The following RAB11FIP1 variants were observed in gnomAD, a reference collection of about 807,000 sequenced individuals.
RAB11FIP1 encodes the protein rab11 family-interacting protein 1.
A neutral mutation model predicts 83.1 loss-of-function variants in RAB11FIP1; 49 were observed. The observed-to-expected ratio is 0.59, with a 90% CI of 0.47 to 0.75. The LOEUF (loss-of-function observed/expected upper bound fraction) is 0.75. RAB11FIP1 is among the 30% of genes least tolerant of loss of function. The pLI is 0.00. For missense variants in RAB11FIP1, 1,536 were observed against 1,598.7 expected, an observed-to-expected ratio of 0.96 and a Z score of 0.67; for synonymous variants, 670 against 656.0, an observed-to-expected ratio of 1.02 and a Z score of -0.33.
Position 37,862,892 on chromosome 8 carries a change from GA to G in RAB11FIP1, c.*2del. The G allele has an allele frequency of 1.2e-6, 2 of 1,603,706 alleles. No individual in the cohort carries two copies. The highest frequency in any genetic ancestry group is 1.7e-6 in the Non-Finnish European group (2 of 1,173,704). On this transcript the variant is annotated 3_prime_UTR_variant, in exon 6 of 6. Coordinates refer to ENST00000330843, the MANE Select transcript of RAB11FIP1 (RefSeq NM_001002814.3). ...AACGTCTCGGTGTTTTTTTTCTGCT[GA>G]TTTACATCTTTCCTGCTTTTTTGCC...
chr8:37,872,748 C>T lies in RAB11FIP1; in HGVS notation c.2054G>A (p.Ser685Asn). ...GAGAGACTCCTCCAACTCAAGGCTG[C>T]TGGTGTTCTTCTCTGTGCCTGTCTC... ...TRETGTEKNT[S>N]SLELEESLPE... The change falls in exon 4 of 6, where the codon AGC (serine) becomes AAC (asparagine). Residue 685 changes from serine (S) to asparagine (N), a missense_variant. Coordinates refer to ENST00000330843, the MANE Select transcript of RAB11FIP1 (RefSeq NM_001002814.3). 1.2e-6 allele frequency: 2 copies of T among 1,614,268 alleles called. No individual in the cohort carries two copies. The highest frequency in any genetic ancestry group is 1.3e-5 in the African/African-American group (1 of 75,068).
intron 1 of RAB11FIP1, among the ~76,000 whole-genome samples, chr8:37,880,605 T>G (rs1462261024): frequency 1.3e-5 from 2 of 152,048 alleles, no homozygotes; most frequent in African/African-American, 4.8e-5. Flanking sequence ...AAAATATTTT[T>G]TTTTAATTAG....
At position 37,873,572 on chromosome 8, in the gene RAB11FIP1, C is replaced by T. The variant is rs149598169; in HGVS notation, c.1623-393G>A. Among the ~76,000 whole-genome samples the T allele has an allele frequency of 5.5e-4, 84 of 152,068 alleles. No individual in the cohort carries two copies. In the Middle Eastern group the frequency reaches 0.01, roughly 18 times the overall value. ...AGTGAGTTGAGATCGTGCCACTGCACTCCAGCCTGGGCGATAGAGGGAGAC... is the reference window on the plus strand; with the variant it reads ...AGTGAGTTGAGATCGTGCCACTGCATTCCAGCCTGGGCGATAGAGGGAGAC... On this transcript the variant is annotated intron_variant, in intron 3 of 5. Transcript: ENST00000330843.
At chr8:37,877,983 ATGT>A (rs1806652821) in intron 1 of RAB11FIP1, 1 of 155,210 alleles carries the variant, frequency 6.4e-6, no homozygotes, top group African/African-American at 2.4e-5. Context: ...GCCTCCCAAA[ATGT>A]TGGGATTACA....
chr8:37,866,473 T>C (rs1440501173), intron 5 of RAB11FIP1, among the ~76,000 whole-genome samples: 1 of 152,212 alleles, frequency 6.6e-6, no homozygotes, highest in Non-Finnish European at 1.5e-5. Flanking sequence ...CCAGGATTCT[T>C]ACCCTGGACT....
In RAB11FIP1 at chr8:37,877,529, G is replaced by A. The variant is rs1192803872; in HGVS notation, c.394C>T (p.Pro132Ser). The change falls in exon 2 of 6, where the codon CCA (proline) becomes TCA (serine). Residue 132 changes from proline to serine, a missense_variant. Transcript: ENST00000330843. ...KTQWYKLKSK[P>S]GKKDKERGEI... ...CCTCGCTCCTTGTCCTTCTTTCCTG[G>A]TTTGGATTTCAACTTATACCACCTG... 5.6e-6 allele frequency: 9 copies of A among 1,607,266 alleles called. No individual in the cohort carries two copies. The Middle Eastern group carries it at 9.9e-4, about 177-fold the overall frequency.
chr8:37,863,040 T>A lies in RAB11FIP1; in HGVS notation c.3707A>T (p.Lys1236Ile). 6.2e-7 allele frequency: 1 copy of A among 1,613,388 alleles called. No individual in the cohort carries two copies. Among genetic ancestry groups the A allele is most frequent in the Non-Finnish European group, 8.5e-7 (1 of 1,179,988 alleles). Residue 1236 changes from lysine (K) to isoleucine (I), a missense_variant, in exon 6 of 6, where the codon AAA (lysine) becomes ATA (isoleucine). Coordinates refer to ENST00000330843, the MANE Select transcript of RAB11FIP1 (RefSeq NM_001002814.3). ...THDELIQLVL[K>I]QKETISKKEF... ...CTTCTTGCTTATCGTTTCCTTCTGTTTGAGGACCAGCTGAATCAGCTCATC... is the reference window on the plus strand; with the variant it reads ...CTTCTTGCTTATCGTTTCCTTCTGTATGAGGACCAGCTGAATCAGCTCATC...
At chr8:37,888,980 G>A (rs940678772) in intron 1 of RAB11FIP1, among the ~76,000 whole-genome samples, 1 of 151,500 alleles carries the variant, frequency 6.6e-6, no homozygotes. Flanking sequence ...TGTATTTTTA[G>A]TAGAGATGGG....
chr8:37,859,584 T>A lies in RAB11FIP1; in HGVS notation c.*3311A>T, dbSNP rs1806195167. On this transcript the variant is annotated 3_prime_UTR_variant, in exon 6 of 6. Coordinates refer to ENST00000330843, the MANE Select transcript of RAB11FIP1 (RefSeq NM_001002814.3). ...CACTGGAATAAGATGGAGGGCAGGATACCTGCCAAAGCCTGAGGCATGAGA... is the reference window on the plus strand; with the variant it reads ...CACTGGAATAAGATGGAGGGCAGGAAACCTGCCAAAGCCTGAGGCATGAGA... The A allele has an allele frequency of 3.3e-5, 5 of 152,326 alleles. No individual in the cohort carries two copies. The highest frequency in any genetic ancestry group is 2.6e-4 in the Admixed American group (4 of 15,284). 9.4% of individuals were successfully genotyped at this position (152,326 alleles called of 1,614,324 possible). A position where few individuals can be genotyped will look rare whatever the true frequency, so the allele number is the denominator to read the frequency against.
rs2130135923 is a variant in RAB11FIP1, at chr8:37,870,434, C to G, written c.3619G>C (p.Glu1207Gln). 6.2e-7 allele frequency: 1 copy of G among 1,601,648 alleles called. No homozygotes were observed. The highest frequency in any genetic ancestry group is 8.6e-7 in the Non-Finnish European group (1 of 1,168,756). ...ATIISENLNN[E>Q]VMMKKYSPSD... Reference sequence around the variant, plus strand: ...AGAGGACATACCTTCATCATGACCTCATTGTTCAAGTTCTCACTGATGATG... The same window carrying G: ...AGAGGACATACCTTCATCATGACCTGATTGTTCAAGTTCTCACTGATGATG... Residue 1207 changes from glutamate (E) to glutamine (Q), a missense_variant, in exon 5 of 6, where the codon GAG becomes CAG. Coordinates refer to ENST00000330843, the MANE Select transcript of RAB11FIP1 (RefSeq NM_001002814.3).
chr8:37,887,072 C>T lies in RAB11FIP1; in HGVS notation c.372-9521G>A, dbSNP rs554482966. On this transcript the variant is annotated intron_variant, in intron 1 of 5. Transcript: ENST00000330843. ...CAGAATTACCCATCAGCCGACATTG[C>T]CTCCCTAGACCTTGCCCTCTGCCCA... Among the ~76,000 whole-genome samples the T allele has an allele frequency of 2.5e-3, 384 of 152,316 alleles. 4 individuals carry two copies. The highest frequency in any genetic ancestry group is 8.9e-3 in the African/African-American group (369 of 41,574).
intron 5 of RAB11FIP1, among the ~76,000 whole-genome samples, chr8:37,866,791 T>C (rs1014332291): frequency 6.6e-6 from 1 of 152,238 alleles, no homozygotes; most frequent in African/African-American, 2.4e-5. Context: ...AGTAGGTATC[T>C]TTATAAATAC....
chr8:37,885,111 C>CGGCCTCCTGAGTAGCCAGGATAACA (rs1264616425), intron 1 of RAB11FIP1, among the ~76,000 whole-genome samples: 2 of 151,684 alleles, frequency 1.3e-5, no homozygotes, highest in Non-Finnish European at 2.9e-5. Flanking sequence ...TCTCCTGTCT[C>CGGCCTCCTGAGTAGCCAGGATAACA]GGCCTCCTGA....
In RAB11FIP1 at chr8:37,873,030, C is replaced by T. The variant is rs769998709; in HGVS notation, c.1772G>A (p.Ser591Asn). ...TGAGAGAGAGGAGAAGACAGAAGGA[C>T]TCTCAGAGGACTGTGTGTCTGCACC... The part of the protein sequence containing the change: ...GHGADTQSSE[S>N]PSVFSSLSSP... The change falls in exon 4 of 6, where the codon AGT (serine) becomes AAT (asparagine). Residue 591 changes from serine to asparagine, a missense_variant. By Grantham distance (46) the Ser-to-Asn change is conservative. Transcript: ENST00000330843. The T allele has an allele frequency of 2.5e-6, 4 of 1,613,970 alleles. No homozygotes were observed. Among genetic ancestry groups the T allele is most frequent in the Admixed American group, 3.3e-5 (2 of 59,990 alleles).
intron 5 of RAB11FIP1, among the ~76,000 whole-genome samples, chr8:37,868,928 T>C (rs1263706602): frequency 6.6e-6 from 1 of 152,134 alleles, no homozygotes; most frequent in Non-Finnish European, 1.5e-5. Context: ...TATTAATTCA[T>C]ACTGAAAAAC....
intron 3 of RAB11FIP1, 156 bp from the exon 4 acceptor site, chr8:37,873,335 T>A: frequency 2.5e-6 from 2 of 789,560 alleles, no homozygotes; most frequent in Non-Finnish European, 3.8e-6. Context: ...CCGGGCGCGG[T>A]GGCTCACGCC....
intron 5 of RAB11FIP1, among the ~76,000 whole-genome samples, chr8:37,864,109 C>T (rs1806296684): frequency 6.6e-6 from 1 of 152,214 alleles, no homozygotes; most frequent in Non-Finnish European, 1.5e-5. Flanking sequence ...GGAGTCAGAG[C>T]CAGGTGCCAC....
Position 37,871,847 on chromosome 8 carries a change from ATCATCTTCAACCTGATCTCCG to A in RAB11FIP1, c.2934_2954del (p.Asp980_Gly986del), listed in dbSNP as rs753637241. 61 of 1,613,996 alleles carry A rather than the reference ATCATCTTCAACCTGATCTCCG, an allele frequency of 3.8e-5. No individual in the cohort carries two copies. The South Asian group carries it at 4.7e-4, about 12-fold the overall frequency. On this transcript the variant is annotated inframe_deletion, in exon 4 of 6. Coordinates refer to ENST00000330843, the MANE Select transcript of RAB11FIP1 (RefSeq NM_001002814.3). Reference sequence around the variant, plus strand: ...GAGTTGACGACTTTGCTGTCTCTCCATCATCTTCAACCTGATCTCCGTCATCTTCAACCTGATCTATTCTTT... The same window carrying A: ...GAGTTGACGACTTTGCTGTCTCTCCATCATCTTCAACCTGATCTATTCTTT...
chr8:37,888,659 G>A (rs530554378), intron 1 of RAB11FIP1, among the ~76,000 whole-genome samples: 62 of 151,812 alleles, frequency 4.1e-4, no homozygotes, highest in African/African-American at 1.5e-3. Flanking sequence ...TTTATTTTTT[G>A]TAGAGACAGG....
Sources: gnomAD v4.1 joint callset for allele counts (sites outside exome capture counted in the v4.1 genomes callset) on GRCh38, gnomAD v4.1.1 for gene constraint, MANE v1.5 for transcripts, NCBI Gene and HGNC (gene_info 2026-07-23, HGNC 2026-07-21) for gene names.